CECR2: variants seen among roughly 807,000 people sequenced by gnomAD.
The protein encoded by CECR2 is CECR2 histone acetyl-lysine reader.
A neutral mutation model predicts 154.5 loss-of-function variants in CECR2; 30 were observed. The observed-to-expected ratio is 0.19, with a 90% CI of 0.15 to 0.26. CECR2 has a LOEUF of 0.26. Among genes scored for constraint, CECR2 ranks in the 10% least tolerant of loss-of-function variants. CECR2 has a pLI of 1.00. For missense variants in CECR2, 1,743 were observed against 1,829.3 expected (o/e 0.95, Z 0.86); for synonymous variants, 725 against 683.7 (o/e 1.06, Z -0.94).
intron 1 of CECR2, among the ~76,000 whole-genome samples, chr22:17,391,375 T>A (rs2063323986): frequency 6.6e-6 from 1 of 152,206 alleles, no homozygotes; most frequent in Non-Finnish European, 1.5e-5. Flanking sequence ...GTAAAATGAT[T>A]TAAATTTCAA....
intron 1 of CECR2, among the ~76,000 whole-genome samples, chr22:17,441,536 T>C (rs868236007): frequency 1.3e-5 from 2 of 152,206 alleles, no homozygotes; most frequent in African/African-American, 4.8e-5. Context: ...AGCTTTCTTT[T>C]AAAAAGTAGC....
chr22:17,437,363 C>G (rs1290499765), intron 1 of CECR2, among the ~76,000 whole-genome samples: 1 of 152,128 alleles, frequency 6.6e-6, no homozygotes, highest in East Asian at 1.9e-4. Context: ...TGAAGCTCCA[C>G]AGGATCGGCC....
chr22:17,507,654 A>C (rs1353538926), intron 7 of CECR2, among the ~76,000 whole-genome samples: 2 of 152,212 alleles, frequency 1.3e-5, no homozygotes, highest in Non-Finnish European at 2.9e-5. Flanking sequence ...AAAAATTTCA[A>C]GCATTGATTC....
chr22:17,494,982 C>G (rs1444918740), intron 2 of CECR2, among the ~76,000 whole-genome samples: 4 of 152,158 alleles, frequency 2.6e-5, no homozygotes, highest in Non-Finnish European at 4.4e-5. Context: ...CGTGAGCCAC[C>G]GCGCCCGGCA....
At chr22:17,432,704 A>G (rs2054444346) in intron 1 of CECR2, among the ~76,000 whole-genome samples, 1 of 152,096 alleles carries the variant, frequency 6.6e-6, no homozygotes, top group African/African-American at 2.4e-5. Context: ...GACATGATCA[A>G]AGGTCACTGC....
chr22:17,478,494 TAC>T (rs1216148071), intron 2 of CECR2, among the ~76,000 whole-genome samples: 3 of 151,944 alleles, frequency 2.0e-5, no homozygotes, highest in Non-Finnish European at 4.4e-5. Flanking sequence ...TAGCTGGGAC[TAC>T]AGGCACTCGC....
chr22:17,540,626 G>T lies in CECR2; in HGVS notation c.1710G>T (p.Met570Ile). The change falls in exon 14 of 19, where the codon ATG becomes ATT. Residue 570 changes from methionine (M) to isoleucine (I), a missense_variant. Around this residue, in one of 4 missense-constraint regions of CECR2, gnomAD observed 1,250 missense variants for 1,192.1 expected, o/e 1.05. Transcript: ENST00000262608. Reference protein sequence around the residue: ...PEGSSRKQQPMENGGKSLPPT... With the variant: ...PEGSSRKQQPIENGGKSLPPT... Reference sequence around the variant, plus strand: ...GGTCCAGCAGGAAACAGCAGCCCATGGAGAATGGAGGAAAGTCGTTGCCCC... The same window carrying T: ...GGTCCAGCAGGAAACAGCAGCCCATTGAGAATGGAGGAAAGTCGTTGCCCC... The T allele has an allele frequency of 1.2e-6, 2 of 1,613,890 alleles. No individual in the cohort carries two copies. The highest frequency in any genetic ancestry group is 1.7e-6 in the Non-Finnish European group (2 of 1,179,848).
rs149427688 is a variant in CECR2, at chr22:17,510,236, A to G, written c.871-1577A>G. Reference sequence around the variant, plus strand: ...TGAAGCTGGCATTGTCATTTTTGCAACTATCATGGTAAACTGGCATAATCC... The same window carrying G: ...TGAAGCTGGCATTGTCATTTTTGCAGCTATCATGGTAAACTGGCATAATCC... On this transcript the variant is annotated intron_variant, in intron 7 of 18. Transcript: ENST00000262608. 3.3e-5 allele frequency among the ~76,000 whole-genome samples: 5 copies of G among 152,312 alleles called. No individual in the cohort carries two copies. The East Asian group carries it at 9.6e-4, about 29-fold the overall frequency.
At chr22:17,365,201 G>A (rs528815152), upstream of CECR2, among the ~76,000 whole-genome samples, 1 of 152,124 alleles carries the variant, frequency 6.6e-6, no homozygotes, top group African/African-American at 2.4e-5. Context: ...TCCAGCCTGG[G>A]CAACAAGAGT....
chr22:17,525,416 C>T (rs1421141787), intron 9 of CECR2, among the ~76,000 whole-genome samples: 1 of 151,186 alleles, frequency 6.6e-6, no homozygotes. Context: ...CCAAAGTGGC[C>T]GAATCACTTG....
At chr22:17,451,431 G>T (rs939131332) in intron 1 of CECR2, among the ~76,000 whole-genome samples, 2 of 152,122 alleles carry the variant, frequency 1.3e-5, no homozygotes, top group African/African-American at 2.4e-5. Flanking sequence ...AAGCAGTTTC[G>T]AGATGAATGC....
upstream of CECR2, among the ~76,000 whole-genome samples, chr22:17,366,408 C>A (rs867677770): frequency 1.3e-5 from 2 of 152,116 alleles, no homozygotes; most frequent in Non-Finnish European, 2.9e-5. Flanking sequence ...AGGATGGTCT[C>A]GATCTCTTTA....
At chr22:17,422,230 C>T (rs774269127) in intron 1 of CECR2, among the ~76,000 whole-genome samples, 1 of 152,156 alleles carries the variant, frequency 6.6e-6, no homozygotes, top group Non-Finnish European at 1.5e-5. Flanking sequence ...CGGAGTCTCA[C>T]TCTGTGGCCT....
intron 18 of CECR2, 144 bp downstream of exon 18, chr22:17,552,286 T>G (rs2056720686): frequency 1.4e-6 from 1 of 692,628 alleles, no homozygotes; most frequent in African/African-American, 1.8e-5. Flanking sequence ...CCTTGGCACT[T>G]GGAAAAAGAG....
At chr22:17,495,427 G>A (rs2055605489) in intron 2 of CECR2, among the ~76,000 whole-genome samples, 1 of 152,026 alleles carries the variant, frequency 6.6e-6, no homozygotes, top group Non-Finnish European at 1.5e-5. Context: ...AAATTAGCCG[G>A]TCATGGTGGT....
intron 1 of CECR2, among the ~76,000 whole-genome samples, chr22:17,472,761 G>A (rs974097514): frequency 3.9e-5 from 6 of 152,130 alleles, no homozygotes; most frequent in Non-Finnish European, 7.3e-5. Flanking sequence ...ACAAGAAAAG[G>A]TACCTGTAAT....
intron 1 of CECR2, among the ~76,000 whole-genome samples, chr22:17,403,446 G>C (rs745642859): frequency 7.2e-5 from 11 of 152,120 alleles, no homozygotes; most frequent in Non-Finnish European, 1.5e-4. Context: ...AGTAGAATTG[G>C]AGTTATGTTT....
intron 1 of CECR2, among the ~76,000 whole-genome samples, chr22:17,380,049 T>C (rs1424779745): frequency 6.7e-6 from 1 of 149,484 alleles, no homozygotes; most frequent in African/African-American, 2.5e-5. Context: ...GGAACTAAGG[T>C]CTGACCATTG....
In CECR2 at chr22:17,549,197, G is replaced by A. The variant is rs897079322; in HGVS notation, c.3910G>A (p.Ala1304Thr). Residue 1304 changes from alanine to threonine, a missense_variant, in exon 17 of 19, where the codon GCA becomes ACA. Ala to Thr is a moderately conservative substitution (Grantham distance 58). This residue lies in a region of CECR2 where 1,250 missense variants were observed against 1,192.1 expected (regional missense o/e 1.05). Transcript: ENST00000262608. ...KEFLDLDNHN[A>T]ATKRQSSLSA... is the part of the protein sequence containing the mutation. ...ATTTTTAGACCTGGACAACCATAAC[G>A]CAGCTACCAAGCGGCAGAGCTCGTT... is the stretch of plus-strand genomic sequence containing the variant. 7 of 1,613,904 alleles carry A rather than the reference G, an allele frequency of 4.3e-6. No individual in the cohort carries two copies. The highest frequency in any genetic ancestry group is 2.2e-5 in the South Asian group (2 of 91,090).
Sources: gnomAD v4.1 joint callset for allele counts (sites outside exome capture counted in the v4.1 genomes callset) on GRCh38, gnomAD v4.1.1 for gene constraint, gnomAD v4.1.1 regional missense constraint, MANE v1.5 for transcripts, NCBI Gene and HGNC (gene_info 2026-07-23, HGNC 2026-07-21) for gene names.